Variants in CATSPERD observed in about 807,000 individuals in gnomAD.
CATSPERD encodes cation channel sperm-associated auxiliary subunit delta.
A neutral mutation model predicts 98.1 loss-of-function variants in CATSPERD; 86 were observed. That is an observed-to-expected ratio of 0.88 (90% CI 0.74 to 1.05). The LOEUF (loss-of-function observed/expected upper bound fraction) is 1.05. Among genes scored for constraint, CATSPERD ranks in the 50% least tolerant of loss-of-function variants. The pLI is 0.00. For missense variants in CATSPERD, 995 were observed against 1,005.7 expected (o/e 0.99, Z 0.14); for synonymous variants, 394 against 390.2 (o/e 1.01, Z -0.12).
At chr19:5,763,146 G>A in intron 15 of CATSPERD, 69 bp from the exon 16 acceptor site, 1 of 1,154,572 alleles carries the variant, frequency 8.7e-7, no homozygotes. Flanking sequence ...ACTGAAGGAT[G>A]AATGGAATGC....
chr19:5,751,404 C>T (rs527578582), intron 11 of CATSPERD, among the ~76,000 whole-genome samples: 21 of 148,440 alleles, frequency 1.4e-4, no homozygotes, highest in Admixed American at 1.2e-3. Context: ...GTGGTGGCTG[C>T]GCGTCTGTAG....
At chr19:5,736,681 A>G (rs2055852690) in intron 5 of CATSPERD, among the ~76,000 whole-genome samples, 3 of 151,758 alleles carry the variant, frequency 2.0e-5, no homozygotes, top group Admixed American at 2.0e-4. Flanking sequence ...ACTCTAGCCT[A>G]GACGACAGAG....
At chr19:5,766,720 T>G (rs1329444349) in intron 17 of CATSPERD, among the ~76,000 whole-genome samples, 1 of 149,026 alleles carries the variant, frequency 6.7e-6, no homozygotes, top group African/African-American at 2.5e-5. Flanking sequence ...TGAGATGGAG[T>G]CTCGCCCTGT....
chr19:5,745,484 G>A (rs900700703), intron 8 of CATSPERD, among the ~76,000 whole-genome samples: 18 of 151,990 alleles, frequency 1.2e-4, no homozygotes, highest in African/African-American at 3.6e-4. Flanking sequence ...AGCCCGGCAC[G>A]GTGTCAGGCA....
chr19:5,740,236 A>G (rs1446603700), intron 7 of CATSPERD, among the ~76,000 whole-genome samples: 1 of 148,176 alleles, frequency 6.7e-6, no homozygotes. Context: ...AGCCAAGATC[A>G]CACCATTGCA....
chr19:5,755,492 G>A (rs1022543541), intron 13 of CATSPERD, among the ~76,000 whole-genome samples: 2 of 152,008 alleles, frequency 1.3e-5, no homozygotes, highest in African/African-American at 2.4e-5. Flanking sequence ...CATGAGGGCC[G>A]GGCGCGGTGG....
Position 5,749,330 on chromosome 19 carries a change from A to C in CATSPERD, c.987+147A>C, listed in dbSNP as rs574696271. 4.9e-4 allele frequency: 216 copies of C among 437,580 alleles called. 1 individual carries two copies. Among genetic ancestry groups the C allele is most frequent in the African/African-American group, 4.4e-3 (205 of 46,446 alleles). 27.1% of individuals were successfully genotyped at this position (437,580 alleles called of 1,614,324 possible). A position where few individuals can be genotyped will look rare whatever the true frequency, so the allele number is the denominator to read the frequency against. On this transcript the variant is annotated intron_variant, in intron 11 of 21. Transcript: ENST00000381624. ...AACATGGTGAAACCCTGTCTCTACT[A>C]AAAATACAAAAATTAGCCGAGCCTG... is the stretch of plus-strand genomic sequence containing the variant.
rs201809671 is a variant in CATSPERD, at chr19:5,778,591, A to T, written c.2312A>T (p.Gln771Leu). 2 of 1,613,724 alleles carry T rather than the reference A, an allele frequency of 1.2e-6. No homozygotes were observed. The highest frequency in any genetic ancestry group is 2.7e-5 in the African/African-American group (2 of 74,932). Reference protein sequence around the residue: ...QLCRRCKTVCQFRASATARAG... With the variant: ...QLCRRCKTVCLFRASATARAG... ...TGTAGGAGATGCAAGACGGTCTGCC[A>T]GTTCAGGGCCTCAGCCACAGCCAGG... The change falls in exon 22 of 22, where the codon CAG (glutamine) becomes CTG (leucine). Residue 771 changes from glutamine (Q) to leucine (L), a missense_variant. Physicochemically the swap from Gln to Leu is moderately radical, Grantham distance 113. Coordinates refer to ENST00000381624, the MANE Select transcript of CATSPERD (RefSeq NM_152784.4).
At chr19:5,768,833 T>C (rs2145852725) in intron 18 of CATSPERD, among the ~76,000 whole-genome samples, 1 of 152,110 alleles carries the variant, frequency 6.6e-6, no homozygotes, top group South Asian at 2.1e-4. Flanking sequence ...AGTCAATTTG[T>C]GCTGCTTTAA....
chr19:5,768,288 TG>T, intron 18 of CATSPERD, 46 bp downstream of exon 18: 1 of 1,513,454 alleles, frequency 6.6e-7, no homozygotes, highest in Non-Finnish European at 9.1e-7. Context: ...AGGCGACCAT[TG>T]GGCCTGCAAA....
At chr19:5,722,187 T>G (rs1301340204) in intron 1 of CATSPERD, among the ~76,000 whole-genome samples, 1 of 151,398 alleles carries the variant, frequency 6.6e-6, no homozygotes, top group African/African-American at 2.4e-5. Context: ...AATGTCACGG[T>G]CTCGGCTCAC....
chr19:5,770,430 C>CA (rs539340482), intron 18 of CATSPERD, among the ~76,000 whole-genome samples: 5,050 of 81,858 alleles, frequency 0.062, 128 homozygotes, highest in African/African-American at 0.12. Context: ...AACTCCGTCT[C>CA]AAAAAAAAAA....
At chr19:5,744,080 A>G (rs2056049091) in intron 7 of CATSPERD, among the ~76,000 whole-genome samples, 1 of 152,082 alleles carries the variant, frequency 6.6e-6, no homozygotes, top group Non-Finnish European at 1.5e-5. Flanking sequence ...CCCGGGTTCA[A>G]GTGATTCTCC....
intron 17 of CATSPERD, among the ~76,000 whole-genome samples, chr19:5,767,540 T>C (rs1483759335): frequency 4.6e-5 from 7 of 150,822 alleles, no homozygotes; most frequent in Admixed American, 2.7e-4. Context: ...CAGGCTGGAG[T>C]GCAGTGGCAT....
intron 17 of CATSPERD, among the ~76,000 whole-genome samples, chr19:5,766,465 A>G (rs2056541214): frequency 6.6e-6 from 1 of 152,078 alleles, no homozygotes; most frequent in Non-Finnish European, 1.5e-5. Context: ...TCTTGAAAAA[A>G]AAAAAAAAGT....
intron 11 of CATSPERD, among the ~76,000 whole-genome samples, chr19:5,749,928 C>T (rs1337137549): frequency 3.3e-5 from 5 of 151,104 alleles, no homozygotes; most frequent in East Asian, 2.0e-4. Context: ...CTCAGCCTCC[C>T]GAGTAGCTGG....
In CATSPERD at chr19:5,776,263, G is replaced by A. The variant is rs201309746; in HGVS notation, c.2044G>A (p.Gly682Ser). 3.8e-4 allele frequency: 617 copies of A among 1,614,020 alleles called. No individual in the cohort carries two copies. The highest frequency in any genetic ancestry group is 5.0e-4 in the Non-Finnish European group (592 of 1,180,034). ...GGRTANQIIF[G>S]HNGFYVFYIS... ...CCGGACAGCAAACCAGATCATTTTC[G>A]GCCACAATGGCTTTTATGTCTTCTA... Residue 682 changes from glycine (G) to serine (S), a missense_variant, in exon 21 of 22, where the codon GGC becomes AGC. Physicochemically the swap from Gly to Ser is moderately conservative, Grantham distance 56 (BLOSUM62 0). Around this residue, in one of 3 missense-constraint regions of CATSPERD, gnomAD observed 762 missense variants for 773.7 expected, o/e 0.98. Transcript: ENST00000381624.
intron 12 of CATSPERD, 21 bp from the exon 13 acceptor site, chr19:5,754,108 TTTC>T (rs1316081708): frequency 1.3e-6 from 2 of 1,496,796 alleles, no homozygotes; most frequent in East Asian, 4.5e-5. Context: ...CATGATTATC[TTTC>T]TTCTTCGCCT....
chr19:5,733,789 G>C (rs888550109), intron 4 of CATSPERD, 67 bp from the exon 5 acceptor site: 2 of 1,106,456 alleles, frequency 1.8e-6, no homozygotes, highest in African/African-American at 3.2e-5. Flanking sequence ...ATGTCTAGAA[G>C]TCTGCGTTTC....
Sources: gnomAD v4.1 joint callset for allele counts (sites outside exome capture counted in the v4.1 genomes callset) on GRCh38, gnomAD v4.1.1 for gene constraint, gnomAD v4.1.1 regional missense constraint, MANE v1.5 for transcripts, NCBI Gene and HGNC (gene_info 2026-07-23, HGNC 2026-07-21) for gene names.